MID1: variants seen among roughly 807,000 people sequenced by gnomAD.
MID1 encodes the protein E3 ubiquitin-protein ligase Midline-1.
MID1 carries 7 observed loss-of-function variants against 40.4 expected under a neutral mutation model. That is an observed-to-expected ratio of 0.17 (90% confidence interval 0.10 to 0.33). The LOEUF is 0.33. Ranked by LOEUF, MID1 falls within the 10% of genes least tolerant of loss-of-function variation. The probability of loss-of-function intolerance (pLI) is 1.00; values close to 1 mark genes in which losing one functional copy is unlikely to be tolerated. For synonymous variants in MID1, 229 were observed against 221.2 expected, an observed-to-expected ratio of 1.04 and a Z score of -0.31; for missense variants, 367 against 558.5, an observed-to-expected ratio of 0.66 and a Z score of 3.46.
chrX:10,787,082 TA>T (rs912889870), intron 1 of MID1, among the ~76,000 whole-genome samples: 2 of 111,766 alleles, frequency 1.8e-5, no homozygotes, highest in African/African-American at 3.3e-5. Context: ...GATACAGGTT[TA>T]TTGTGGACAG....
Position 10,567,275 on chromosome X carries a change from C to T in MID1, c.273G>A (p.Val91=). The change falls in exon 2 of 10, where the codon GTG becomes GTA. Residue 91 remains valine, a synonymous_variant. Transcript: ENST00000317552. ...TCTCGCTGGGAGAGTTGGGCCCGCT[C>T]ACTGATGCTTTCTGGAACCTGTCGA... is the stretch of plus-strand genomic sequence containing the variant. The part of the protein sequence containing the change: ...NIIDRFQKAS[V]SGPNSPSETR... 8.3e-7 allele frequency: 1 copy of T among 1,203,719 alleles called. No individual in the cohort carries two copies. Among genetic ancestry groups the T allele is most frequent in the Non-Finnish European group, 1.1e-6 (1 of 890,460 alleles).
At chrX:10,627,527 T>C (rs1311221677) in intron 1 of MID1, among the ~76,000 whole-genome samples, 1 of 112,186 alleles carries the variant, frequency 8.9e-6, no homozygotes, top group Admixed American at 9.5e-5. Flanking sequence ...TTTGTTCTTA[T>C]TCCTAATTGG....
chrX:10,677,801 C>T (rs1269081521), intron 1 of MID1: 1 of 110,951 alleles, frequency 9.0e-6, no homozygotes, highest in East Asian at 2.9e-4. Context: ...CATCACAGTT[C>T]TGGCCGCACC....
chrX:10,555,634 T>C (rs942925456), intron 2 of MID1, among the ~76,000 whole-genome samples: 6 of 111,310 alleles, frequency 5.4e-5, no homozygotes, highest in African/African-American at 2.0e-4. Flanking sequence ...TTCTTTCTTT[T>C]TTTTTTAAAA....
intron 1 of MID1, among the ~76,000 whole-genome samples, chrX:10,754,169 G>A (rs2043616049): frequency 8.9e-6 from 1 of 112,039 alleles, no homozygotes; most frequent in Non-Finnish European, 1.9e-5. Context: ...TTTGTTATGA[G>A]GGCAAATAAA....
chrX:10,786,585 T>A, intron 1 of MID1, among the ~76,000 whole-genome samples: 1 of 110,736 alleles, frequency 9.0e-6, no homozygotes, highest in Admixed American at 9.6e-5. Context: ...GCAACAATGA[T>A]AGACTGGATG....
chrX:10,774,967 A>G (rs752085405), intron 1 of MID1, among the ~76,000 whole-genome samples: 3 of 111,212 alleles, frequency 2.7e-5, no homozygotes, highest in Admixed American at 9.7e-5. Context: ...GGATAATCTT[A>G]AAGTTTTTCT....
intron 3 of MID1, among the ~76,000 whole-genome samples, chrX:10,499,416 G>T (rs761954315): frequency 9.0e-6 from 1 of 111,643 alleles, no homozygotes; most frequent in Non-Finnish European, 1.9e-5. Flanking sequence ...TTTTCTTTAT[G>T]ATACCCTTTA....
intron 1 of MID1, among the ~76,000 whole-genome samples, chrX:10,640,871 C>A (rs1348921310): frequency 1.8e-5 from 2 of 111,896 alleles, no homozygotes; most frequent in Non-Finnish European, 3.8e-5. Context: ...TCACTCAAAA[C>A]CACTCAACTG....
intron 2 of MID1, among the ~76,000 whole-genome samples, chrX:10,561,023 T>C (rs1480016159): frequency 1.9e-5 from 2 of 106,384 alleles, no homozygotes; most frequent in African/African-American, 3.8e-5. Context: ...AACAGATATA[T>C]AGACCAATGG....
chrX:10,729,217 G>C (rs1051324329), intron 1 of MID1, among the ~76,000 whole-genome samples: 1 of 111,854 alleles, frequency 8.9e-6, no homozygotes, highest in African/African-American at 3.3e-5. Context: ...TTCTAAAGGA[G>C]AGGGTCACAT....
chrX:10,782,400 A>C (rs2147133287), intron 1 of MID1, among the ~76,000 whole-genome samples: 1 of 111,405 alleles, frequency 9.0e-6, no homozygotes, highest in South Asian at 3.8e-4. Flanking sequence ...CTCCATTGCC[A>C]CCTTGTTTCT....
In MID1 at chrX:10,678,341, G is replaced by A. The variant is rs989089807; in HGVS notation, c.-186-57922C>T. On this transcript the variant is annotated intron_variant, in intron 1 of 10. Transcript: ENST00000380785. ...GTTCTCTGTACCAGTACCTGCCACC[G>A]GTCTTAACATTTAAAATAATACCTG... Among the ~76,000 whole-genome samples, 3 of 111,152 alleles carry A rather than the reference G, an allele frequency of 2.7e-5. No homozygotes were observed. The Admixed American group carries it at 2.9e-4, about 11-fold the overall frequency.
At chrX:10,739,114 A>G (rs1379160363) in intron 1 of MID1, among the ~76,000 whole-genome samples, 3 of 112,119 alleles carry the variant, frequency 2.7e-5, no homozygotes, top group African/African-American at 9.7e-5. Flanking sequence ...TGAATAACAG[A>G]AAACCTGGTG....
chrX:10,636,914 A>G (rs1044220152), intron 1 of MID1, among the ~76,000 whole-genome samples: 134 of 96,002 alleles, frequency 1.4e-3, no homozygotes, highest in Non-Finnish European at 2.4e-3. Flanking sequence ...GTGTGTGTGC[A>G]TGTGTGCACA....
At chrX:10,832,454 C>G (rs2044258745) in intron 1 of MID1, among the ~76,000 whole-genome samples, 1 of 112,229 alleles carries the variant, frequency 8.9e-6, no homozygotes, top group South Asian at 3.7e-4. Context: ...TATCAGAAAT[C>G]TGAAATTGAG....
chrX:10,663,828 T>C lies in MID1; in HGVS notation c.-186-43409A>G, dbSNP rs1365856432. On this transcript the variant is annotated intron_variant, in intron 1 of 10. Transcript: ENST00000380785. ...AAGAATTATTGCACAATCAGCAGTA[T>C]ATATTATAAATATCAAACCTATGTA... Among the ~76,000 whole-genome samples, 6 of 112,459 alleles carry C rather than the reference T, an allele frequency of 5.3e-5. No homozygotes were observed. The East Asian group carries it at 8.3e-4, about 16-fold the overall frequency.
At chrX:10,735,875 C>T (rs1431480725) in intron 1 of MID1, among the ~76,000 whole-genome samples, 3 of 110,034 alleles carry the variant, frequency 2.7e-5, no homozygotes, top group Non-Finnish European at 5.7e-5. Flanking sequence ...AAATATTTTC[C>T]CCTGCCTCGG....
chrX:10,487,942 C>T (rs376995099), intron 4 of MID1, among the ~76,000 whole-genome samples: 6 of 106,724 alleles, frequency 5.6e-5, no homozygotes, highest in African/African-American at 2.1e-4. Flanking sequence ...TAGTTTGGGG[C>T]TATTACAAGT....
Sources: gnomAD v4.1 joint callset for allele counts (sites outside exome capture counted in the v4.1 genomes callset) on GRCh38, gnomAD v4.1.1 for gene constraint, MANE v1.5 for transcripts, NCBI Gene and HGNC (gene_info 2026-07-23, HGNC 2026-07-21) for gene names.